Variants in NKAIN3 observed in about 807,000 individuals in gnomAD.
NKAIN3 encodes sodium/potassium-transporting ATPase subunit beta-1-interacting protein 3.
NKAIN3 carries 25 observed loss-of-function variants against 30.2 expected under a neutral mutation model. That is an observed-to-expected ratio of 0.83 (90% CI 0.60 to 1.16). The LOEUF is 1.16. Ranked by LOEUF, NKAIN3 falls within the 50% of genes most tolerant of loss-of-function variation. NKAIN3 has a pLI of 0.00. For missense variants in NKAIN3, 225 were observed against 254.1 expected, an observed-to-expected ratio of 0.89 and a Z score of 0.78; for synonymous variants, 91 against 89.6, an observed-to-expected ratio of 1.02 and a Z score of -0.09.
chr8:62,349,638 G>C (rs1481560845), intron 1 of NKAIN3, among the ~76,000 whole-genome samples: 2 of 152,156 alleles, frequency 1.3e-5, no homozygotes, highest in Admixed American at 6.5e-5. Context: ...AGCACACACA[G>C]AACACTAGTC....
intron 1 of NKAIN3, among the ~76,000 whole-genome samples, chr8:62,374,223 A>G (rs1156255333): frequency 6.6e-6 from 1 of 152,122 alleles, no homozygotes; most frequent in Non-Finnish European, 1.5e-5. Context: ...AACTCTCAAA[A>G]TGAGAAGGTT....
At chr8:62,534,206 C>T (rs1166364952) in intron 1 of NKAIN3, among the ~76,000 whole-genome samples, 1 of 152,118 alleles carries the variant, frequency 6.6e-6, no homozygotes. Flanking sequence ...TTCCAGTGAG[C>T]GTGCACAGGA....
chr8:62,840,424 CA>C (rs35484656), intron 4 of NKAIN3, among the ~76,000 whole-genome samples: 91,656 of 142,770 alleles, frequency 0.64, 29,424 homozygotes, highest in Non-Finnish European at 0.72. Flanking sequence ...TGGAGGGTCA[CA>C]AAAAAAAAAA....
intron 3 of NKAIN3, among the ~76,000 whole-genome samples, chr8:62,710,767 T>C (rs1200095195): frequency 6.6e-6 from 1 of 152,186 alleles, no homozygotes; most frequent in African/African-American, 2.4e-5. Flanking sequence ...TGCTCTTCAT[T>C]GCCTGTGTAC....
intron 4 of NKAIN3, among the ~76,000 whole-genome samples, chr8:62,802,207 C>G (rs1296150345): frequency 2.0e-5 from 3 of 152,148 alleles, no homozygotes; most frequent in African/African-American, 7.2e-5. Flanking sequence ...AGGATATTAT[C>G]CAGGAGAAAT....
intron 3 of NKAIN3, among the ~76,000 whole-genome samples, chr8:62,636,187 C>T (rs1474732165): frequency 6.6e-6 from 1 of 152,150 alleles, no homozygotes; most frequent in African/African-American, 2.4e-5. Context: ...GCCAAGTTTC[C>T]AGCTCTTAAT....
intron 1 of NKAIN3, among the ~76,000 whole-genome samples, chr8:62,260,000 G>T (rs1812383941): frequency 6.6e-6 from 1 of 152,100 alleles, no homozygotes; most frequent in Non-Finnish European, 1.5e-5. Context: ...TCATTTTTTA[G>T]ATTTTTTTCT....
intron 2 of NKAIN3, among the ~76,000 whole-genome samples, chr8:62,581,383 C>A (rs1326329370): frequency 2.6e-5 from 4 of 152,112 alleles, no homozygotes; most frequent in Non-Finnish European, 5.9e-5. Context: ...AAACAAAATA[C>A]CTGGTGGCTT....
rs757590338 is a variant in NKAIN3 at position 62,579,537 on chromosome 8, A to G, written c.55-2A>G. The G allele has an allele frequency of 6.3e-7, 1 of 1,594,260 alleles. No homozygotes were observed. ...CTAATGAACTTTCTTTTTTTGTTGT[A>G]GGTCTCAGCATTAGAGAGGCAGATC... On this transcript the variant is annotated splice_acceptor_variant, in intron 1 of 6. Coordinates refer to ENST00000623646, the MANE Select transcript of NKAIN3 (RefSeq NM_001304533.3). LOFTEE classifies it high-confidence loss of function.
At chr8:62,277,582 T>A (rs2129395098) in intron 1 of NKAIN3, among the ~76,000 whole-genome samples, 1 of 152,288 alleles carries the variant, frequency 6.6e-6, no homozygotes, top group South Asian at 2.1e-4. Context: ...TCTCTGAAAC[T>A]GTCTAATATG....
intron 1 of NKAIN3, among the ~76,000 whole-genome samples, chr8:62,546,559 G>T (rs1809023072): frequency 6.6e-6 from 1 of 152,068 alleles, no homozygotes; most frequent in African/African-American, 2.4e-5. Context: ...CTTCTCCCAG[G>T]TTCTTCAAAT....
intron 1 of NKAIN3, among the ~76,000 whole-genome samples, chr8:62,400,057 T>TTTTTG (rs374095739): frequency 1.0e-3 from 158 of 152,228 alleles, no homozygotes; most frequent in African/African-American, 3.5e-3. Flanking sequence ...GAGGAACATT[T>TTTTTG]TTTTGTTTTG....
chr8:62,856,340 T>TAGTGCTTGCTTCCTGGTCTCCTTGG, intron 4 of NKAIN3: 2 of 908,428 alleles, frequency 2.2e-6, no homozygotes, highest in Non-Finnish European at 3.7e-6. Flanking sequence ...TTAACCTGCT[T>TAGTGCTTGCTTCCTGGTCTCCTTGG]AGTGCTTGCT....
intron 4 of NKAIN3, among the ~76,000 whole-genome samples, chr8:62,901,524 TG>T (rs1821613411): frequency 6.6e-6 from 1 of 152,194 alleles, no homozygotes; most frequent in Admixed American, 6.5e-5. Flanking sequence ...TTCTCAGAGC[TG>T]GGCCTACAGC....
chr8:62,300,749 C>T (rs573861279), intron 1 of NKAIN3, among the ~76,000 whole-genome samples: 1 of 152,200 alleles, frequency 6.6e-6, no homozygotes, highest in Non-Finnish European at 1.5e-5. Context: ...TCACAGTCAG[C>T]TGCAGCAAAC....
chr8:62,328,659 G>A (rs1333718885), intron 1 of NKAIN3, among the ~76,000 whole-genome samples: 1 of 151,970 alleles, frequency 6.6e-6, no homozygotes. Context: ...TATGTTAAAA[G>A]GATTAAAAAA....
chr8:62,435,867 C>CA (rs1488264737), intron 1 of NKAIN3, among the ~76,000 whole-genome samples: 2 of 152,098 alleles, frequency 1.3e-5, no homozygotes, highest in Admixed American at 1.3e-4. Flanking sequence ...ATTTTGTAGA[C>CA]AAAATCTGTT....
At chr8:62,511,961 C>G (rs933958326) in intron 1 of NKAIN3, among the ~76,000 whole-genome samples, 1 of 152,120 alleles carries the variant, frequency 6.6e-6, no homozygotes, top group African/African-American at 2.4e-5. Flanking sequence ...ATCTGTTTCC[C>G]TCTCTAAATA....
At chr8:62,507,666 T>A (rs1807684777) in intron 1 of NKAIN3, among the ~76,000 whole-genome samples, 1 of 152,202 alleles carries the variant, frequency 6.6e-6, no homozygotes, top group South Asian at 2.1e-4. Context: ...CCAGAATAGA[T>A]AAAGAAGCCA....
Sources: gnomAD v4.1 joint callset for allele counts (sites outside exome capture counted in the v4.1 genomes callset) on GRCh38, gnomAD v4.1.1 for gene constraint, MANE v1.5 for transcripts, NCBI Gene and HGNC (gene_info 2026-07-23, HGNC 2026-07-21) for gene names.